Variants in TTLL5 observed in about 807,000 individuals in gnomAD.
TTLL5 encodes the protein tubulin tyrosine ligase like 5.
In TTLL5, 132 loss-of-function variants were observed where a neutral mutation model predicts 168.4. The ratio of observed to expected loss-of-function variants is 0.78; its 90% CI spans 0.68 to 0.91. The LOEUF (loss-of-function observed/expected upper bound fraction) is 0.91, where lower values mean the gene tolerates loss of function less well. Among genes scored for constraint, TTLL5 ranks in the 40% least tolerant of loss-of-function variants. The pLI is 0.00. For synonymous variants in TTLL5, 546 were observed against 558.6 expected (o/e 0.98, Z 0.32); for missense variants, 1,545 against 1,581.5 (o/e 0.98, Z 0.39).
intron 6 of TTLL5, among the ~76,000 whole-genome samples, 158 bp from the exon 7 acceptor site, chr14:75,699,030 A>G (rs1886071376): frequency 6.6e-6 from 1 of 152,178 alleles, no homozygotes; most frequent in Admixed American, 6.5e-5. Context: ...GGCAAGTCCA[A>G]AAATACAGGT....
chr14:75,676,722 C>CT (rs1884186092), intron 3 of TTLL5, among the ~76,000 whole-genome samples: 1 of 147,844 alleles, frequency 6.8e-6, no homozygotes, highest in African/African-American at 2.5e-5. Context: ...TTGTATTTTT[C>CT]TTTTATATTA....
At chr14:75,787,740 C>G (rs558756602) in intron 26 of TTLL5, among the ~76,000 whole-genome samples, 1 of 152,252 alleles carries the variant, frequency 6.6e-6, no homozygotes, top group African/African-American at 2.4e-5. Context: ...ATCTGTCATA[C>G]CCTACATCAT....
chr14:75,913,952 T>C (rs1039430767), intron 31 of TTLL5, among the ~76,000 whole-genome samples: 5 of 144,608 alleles, frequency 3.5e-5, no homozygotes, highest in Admixed American at 2.2e-4. Context: ...GAGGCAGAGG[T>C]TGCAGTGAGC....
intron 28 of TTLL5, among the ~76,000 whole-genome samples, chr14:75,831,592 A>G (rs534724140): frequency 1.5e-3 from 233 of 152,220 alleles, no homozygotes; most frequent in African/African-American, 5.2e-3. Flanking sequence ...AACAGAGCCA[A>G]ACATGCGGAA....
intron 31 of TTLL5, among the ~76,000 whole-genome samples, chr14:75,934,376 G>A (rs558999905): frequency 3.3e-5 from 5 of 152,136 alleles, no homozygotes; most frequent in African/African-American, 7.2e-5. Context: ...CAACTTTTAC[G>A]TGATACTGTA....
At chr14:75,841,322 A>G (rs1896229305) in intron 28 of TTLL5, among the ~76,000 whole-genome samples, 1 of 152,082 alleles carries the variant, frequency 6.6e-6, no homozygotes, top group African/African-American at 2.4e-5. Context: ...TTGCACTCTT[A>G]CTCTACACCC....
chr14:75,675,487 G>C (rs1884070940), intron 3 of TTLL5, among the ~76,000 whole-genome samples: 1 of 152,086 alleles, frequency 6.6e-6, no homozygotes, highest in African/African-American at 2.4e-5. Flanking sequence ...TGCCTCTAGG[G>C]GCACATGTGA....
intron 7 of TTLL5, among the ~76,000 whole-genome samples, chr14:75,702,634 C>T (rs145919583): frequency 1.3e-5 from 2 of 148,940 alleles, no homozygotes; most frequent in Non-Finnish European, 3.0e-5. Context: ...CTAACTCTTC[C>T]CTGGATGCCG....
chr14:75,887,599 A>G (rs1161480627), intron 30 of TTLL5, among the ~76,000 whole-genome samples: 1 of 152,216 alleles, frequency 6.6e-6, no homozygotes, highest in African/African-American at 2.4e-5. Flanking sequence ...TATGAGTACA[A>G]CAAGGTACGC....
chr14:75,844,663 G>T (rs577163599), intron 28 of TTLL5, among the ~76,000 whole-genome samples: 2 of 152,346 alleles, frequency 1.3e-5, no homozygotes, highest in East Asian at 3.9e-4. Flanking sequence ...TCAGTTGGGA[G>T]TCTGGCATTT....
intron 7 of TTLL5, 90 bp from the exon 8 acceptor site, chr14:75,706,928 T>C (rs1886701998): frequency 4.3e-6 from 5 of 1,155,800 alleles, no homozygotes; most frequent in Non-Finnish European, 6.3e-6. Context: ...CACCTTACCA[T>C]TTCTTTAAAG....
intron 21 of TTLL5, among the ~76,000 whole-genome samples, chr14:75,772,525 A>G (rs1283346078): frequency 6.6e-6 from 1 of 152,138 alleles, no homozygotes; most frequent in East Asian, 1.9e-4. Flanking sequence ...TTGTATAATC[A>G]TTTTTACTGT....
intron 27 of TTLL5, among the ~76,000 whole-genome samples, chr14:75,817,830 C>CTTTTTTTTTCTTTTTTTTTTTT (rs1894534171): frequency 1.2e-5 from 1 of 83,862 alleles, no homozygotes; most frequent in Non-Finnish European, 2.1e-5. Flanking sequence ...CTTTTCTTTT[C>CTTTTTTTTTCTTTTTTTTTTTT]TTTTTTTTTT....
At chr14:75,790,626 C>CCA (rs1472128684) in intron 26 of TTLL5, among the ~76,000 whole-genome samples, 3 of 151,752 alleles carry the variant, frequency 2.0e-5, no homozygotes, top group African/African-American at 7.3e-5. Flanking sequence ...GCCCATGTCC[C>CCA]CACACCCAGC....
intron 30 of TTLL5, among the ~76,000 whole-genome samples, chr14:75,897,419 TAATC>T (rs2032719634): frequency 6.6e-6 from 1 of 152,196 alleles, no homozygotes; most frequent in Non-Finnish European, 1.5e-5. Flanking sequence ...GTGGCTAAAT[TAATC>T]AGGCAGTGTG....
At chr14:75,916,146 G>T (rs567490963) in intron 31 of TTLL5, among the ~76,000 whole-genome samples, 1 of 140,688 alleles carries the variant, frequency 7.1e-6, no homozygotes, top group African/African-American at 2.6e-5. Context: ...GATAGAGAGG[G>T]ATGAGGGGAG....
chr14:75,777,973 A>AT (rs1449996977), intron 23 of TTLL5, among the ~76,000 whole-genome samples: 17 of 148,252 alleles, frequency 1.1e-4, no homozygotes, highest in Non-Finnish European at 1.2e-4. Context: ...ACAGAAAAGG[A>AT]TTAAAAAAAA....
intron 31 of TTLL5, among the ~76,000 whole-genome samples, chr14:75,941,123 G>A (rs1330338479): frequency 6.6e-6 from 1 of 152,218 alleles, no homozygotes. Context: ...GGGCTTGGTG[G>A]TGCTGCTGTA....
rs576285311 is a variant in TTLL5 at position 75,933,677 on chromosome 14, A to G, written c.3824-20747A>G. On this transcript the variant is annotated intron_variant, in intron 31 of 31. Transcript: ENST00000298832. ...TTAAGCTTCTCTAAAGGCTGCTGTT[A>G]TGGACTGAATTGTGTCCACCTCAAA... Among the ~76,000 whole-genome samples the G allele has an allele frequency of 2.6e-5, 4 of 152,318 alleles. No individual in the cohort carries two copies. The South Asian group carries it at 8.3e-4, about 32-fold the overall frequency.
Sources: allele counts gnomAD v4.1 joint callset (sites outside exome capture counted in the v4.1 genomes callset), GRCh38; gene constraint gnomAD v4.1.1; transcripts MANE v1.5; gene names NCBI Gene and HGNC (gene_info 2026-07-23, HGNC 2026-07-21).